The following ACVR1C variants were observed in gnomAD, a reference collection of about 807,000 sequenced individuals.
ACVR1C encodes the protein activin receptor type-1C.
Under a neutral mutation model 57.9 loss-of-function variants are expected in ACVR1C, and 23 were observed. The ratio of observed to expected loss-of-function variants is 0.40; its 90% CI spans 0.29 to 0.56. ACVR1C has a LOEUF of 0.56. Among genes scored for constraint, ACVR1C ranks in the 20% least tolerant of loss-of-function variants. The pLI is 0.50. For missense variants in ACVR1C, 480 were observed against 607.9 expected (o/e 0.79, Z 2.21); for synonymous variants, 214 against 215.3 (o/e 0.99, Z 0.05).
intron 1 of ACVR1C, among the ~76,000 whole-genome samples, chr2:157,613,435 G>A (rs1329499460): frequency 6.6e-6 from 1 of 150,612 alleles, no homozygotes; most frequent in East Asian, 2.0e-4. Context: ...TTGTTGTATT[G>A]TTAATTTTTG....
chr2:157,621,996 CA>C (rs1376913994), intron 1 of ACVR1C, among the ~76,000 whole-genome samples: 1 of 152,132 alleles, frequency 6.6e-6, no homozygotes, highest in African/African-American at 2.4e-5. Flanking sequence ...TTCTAGATGT[CA>C]CCTCTTAACT....
At chr2:157,563,369 T>C (rs956898172) in intron 2 of ACVR1C, among the ~76,000 whole-genome samples, 2 of 152,096 alleles carry the variant, frequency 1.3e-5, no homozygotes, top group Admixed American at 1.3e-4. Flanking sequence ...CTATTCACAA[T>C]TGCTACAGAG....
chr2:157,582,482 C>T (rs1448354977), intron 2 of ACVR1C, among the ~76,000 whole-genome samples: 4 of 152,106 alleles, frequency 2.6e-5, no homozygotes, highest in African/African-American at 4.8e-5. Flanking sequence ...TCTCAATAAA[C>T]TCATGAAGCT....
rs772366323 is a variant in ACVR1C at position 157,587,196 on chromosome 2, G to A, written c.295C>T (p.Leu99Phe). 1 of 1,610,326 alleles carries A rather than the reference G, an allele frequency of 6.2e-7. No individual in the cohort carries two copies. Among genetic ancestry groups the A allele is most frequent in the Non-Finnish European group, 8.5e-7 (1 of 1,176,656 alleles). Reference protein sequence around the residue: ...TDFCNNITLHLPTASPNAPKL... With the variant: ...TDFCNNITLHFPTASPNAPKL... Reference sequence around the variant, plus strand: ...AAGATAAACCCCTTACCTGTTGGAAGGTGCAGTGTTATGTTGTTGCAAAAA... The same window carrying A: ...AAGATAAACCCCTTACCTGTTGGAAAGTGCAGTGTTATGTTGTTGCAAAAA... Residue 99 changes from leucine to phenylalanine, a missense_variant, in exon 2 of 9, where the codon CTT becomes TTT. Leu to Phe is a conservative substitution (Grantham distance 22). Transcript: ENST00000243349.
intron 2 of ACVR1C, among the ~76,000 whole-genome samples, chr2:157,563,233 C>T (rs1323846524): frequency 6.6e-6 from 1 of 152,120 alleles, no homozygotes; most frequent in African/African-American, 2.4e-5. Flanking sequence ...CACCTCAGCC[C>T]AAAAACTCTT....
At chr2:157,576,646 A>G (rs1688660485) in intron 2 of ACVR1C, among the ~76,000 whole-genome samples, 1 of 152,144 alleles carries the variant, frequency 6.6e-6, no homozygotes, top group Non-Finnish European at 1.5e-5. Flanking sequence ...ATGCTTGCAC[A>G]TATGTTCATG....
At chr2:157,590,752 T>C (rs1032339502) in intron 1 of ACVR1C, among the ~76,000 whole-genome samples, 4 of 151,882 alleles carry the variant, frequency 2.6e-5, no homozygotes, top group Non-Finnish European at 5.9e-5. Context: ...TCAAGGCACT[T>C]TCCTTGCAAA....
chr2:157,610,260 C>T (rs569645539), intron 1 of ACVR1C, among the ~76,000 whole-genome samples: 8 of 152,180 alleles, frequency 5.3e-5, no homozygotes, highest in Non-Finnish European at 8.8e-5. Flanking sequence ...TCAGCATTTG[C>T]TTATCTAAGA....
intron 8 of ACVR1C, among the ~76,000 whole-genome samples, chr2:157,536,993 A>G (rs897222722): frequency 5.9e-5 from 9 of 152,158 alleles, no homozygotes; most frequent in African/African-American, 2.2e-4. Context: ...CACCTCATAG[A>G]TATAGCACAT....
rs947687813 is a variant in ACVR1C, at chr2:157,526,803, T to G, written c.*7115A>C. 7 of 152,198 alleles carry G rather than the reference T, an allele frequency of 4.6e-5. No individual in the cohort carries two copies. The highest frequency in any genetic ancestry group is 4.6e-4 in the Admixed American group (7 of 15,276). The allele number at this position is 152,198 out of a possible 1,614,324, so 9.4% of individuals were successfully genotyped here. A position where few individuals can be genotyped will look rare whatever the true frequency, so the allele number is the denominator to read the frequency against. ...TTCCTTTATTTAAAATAGAGTTCTA[T>G]ATGCTTCACAGAAACAAGTGCAAGA... On this transcript the variant is annotated 3_prime_UTR_variant, in exon 9 of 9. Transcript: ENST00000243349.
At chr2:157,540,197 A>G (rs554197937) in intron 7 of ACVR1C, among the ~76,000 whole-genome samples, 1 of 152,342 alleles carries the variant, frequency 6.6e-6, no homozygotes, top group South Asian at 2.1e-4. Flanking sequence ...TCAGACATTC[A>G]AGGAATTGCT....
intron 2 of ACVR1C, among the ~76,000 whole-genome samples, chr2:157,582,400 T>G (rs895964774): frequency 6.6e-6 from 1 of 152,152 alleles, no homozygotes; most frequent in Non-Finnish European, 1.5e-5. Context: ...TTCCCTATTA[T>G]AGATAACATT....
In ACVR1C at chr2:157,531,912, A is replaced by C. The variant is rs776516497; in HGVS notation, c.*2006T>G. 5 of 152,038 alleles carry C rather than the reference A, an allele frequency of 3.3e-5. No individual in the cohort carries two copies. The highest frequency in any genetic ancestry group is 4.8e-5 in the African/African-American group (2 of 41,408). The allele number at this position is 152,038 out of a possible 1,614,324, so 9.4% of individuals were successfully genotyped here. On this transcript the variant is annotated 3_prime_UTR_variant, in exon 9 of 9. Coordinates refer to ENST00000243349, the MANE Select transcript of ACVR1C (RefSeq NM_145259.3). The stretch of plus-strand genomic sequence containing the variant: ...TTAATCTCTTCCCCCACACACTCAC[A>C]TCCCTATTCCCATTCCCAAATTAGA...
chr2:157,544,338 C>A (rs926468235), intron 5 of ACVR1C, 107 bp downstream of exon 5: 22 of 1,163,338 alleles, frequency 1.9e-5, no homozygotes, highest in Non-Finnish European at 2.5e-5. Context: ...AGCCACCGTG[C>A]CCAGCCTAAA....
chr2:157,550,507 A>C (rs1687888864), intron 3 of ACVR1C, 115 bp from the exon 4 acceptor site: 1 of 968,514 alleles, frequency 1.0e-6, no homozygotes, highest in Non-Finnish European at 1.5e-6. Flanking sequence ...TAATAATTTT[A>C]TCTATTTTGA....
At chr2:157,618,361 C>G (rs970383970) in intron 1 of ACVR1C, among the ~76,000 whole-genome samples, 1 of 151,170 alleles carries the variant, frequency 6.6e-6, no homozygotes, top group African/African-American at 2.4e-5. Flanking sequence ...AATATTTAGT[C>G]AATTTAACCA....
chr2:157,625,677 A>T (rs2105162513), intron 1 of ACVR1C, among the ~76,000 whole-genome samples: 1 of 152,236 alleles, frequency 6.6e-6, no homozygotes, highest in African/African-American at 2.4e-5. Flanking sequence ...GTTATTAAGG[A>T]AATATTTATT....
At chr2:157,549,083 G>T (rs1687843463) in intron 4 of ACVR1C, among the ~76,000 whole-genome samples, 1 of 152,090 alleles carries the variant, frequency 6.6e-6, no homozygotes. Context: ...GGGCCAGGCG[G>T]GGTGGCTCAA....
intron 2 of ACVR1C, among the ~76,000 whole-genome samples, chr2:157,566,417 G>A (rs996274296): frequency 1.3e-5 from 2 of 152,234 alleles, no homozygotes; most frequent in African/African-American, 2.4e-5. Context: ...CGACGCAGAA[G>A]ACGGGTGATT....
Sources: allele counts gnomAD v4.1 joint callset (sites outside exome capture counted in the v4.1 genomes callset), GRCh38; gene constraint gnomAD v4.1.1; transcripts MANE v1.5; gene names NCBI Gene and HGNC (gene_info 2026-07-23, HGNC 2026-07-21).